The following PRDM6 variants were observed in gnomAD, a reference collection of about 807,000 sequenced individuals.
PRDM6 encodes the protein PR/SET domain 6.
PRDM6 carries 25 observed loss-of-function variants against 60.8 expected under a neutral mutation model. The observed-to-expected ratio is 0.41, with a 90% CI of 0.30 to 0.57. PRDM6 has a LOEUF of 0.57. Ranked by LOEUF, PRDM6 falls within the 20% of genes least tolerant of loss-of-function variation. The pLI is 0.27. For synonymous variants in PRDM6, 407 were observed against 357.4 expected (o/e 1.14, Z -1.57); for missense variants, 839 against 821.3 (o/e 1.02, Z -0.26).
rs981550444 is a variant in PRDM6 at position 123,173,531 on chromosome 5, A to G, written c.1496+2423A>G. On this transcript the variant is annotated intron_variant, in intron 6 of 7. Transcript: ENST00000407847. ...TGGGAAGGTGCCAGAGTGGGATTAA[A>G]TTACTGAAGCAGTGGGTTCCTTCCC... 1.8e-5 allele frequency: 3 copies of G among 167,122 alleles called. No individual in the cohort carries two copies. In the South Asian group the frequency reaches 6.2e-4, roughly 35 times the overall value. The allele number at this position is 167,122 out of a possible 1,614,324, so 10.4% of individuals were successfully genotyped here. A position where few individuals can be genotyped will look rare whatever the true frequency, so the allele number is the denominator to read the frequency against.
At chr5:123,176,271 AAAAAAAAAAAAAC>A (rs2126887568) in intron 6 of PRDM6, among the ~76,000 whole-genome samples, 1 of 74,902 alleles carries the variant, frequency 1.3e-5, no homozygotes, top group South Asian at 4.8e-4. Context: ...CTCAAATGGT[AAAAAAAAAAAAAC>A]AAAAAAAAAA....
intron 5 of PRDM6, among the ~76,000 whole-genome samples, chr5:123,166,928 C>T (rs73799834): frequency 0.078 from 11,915 of 152,174 alleles, 499 homozygotes; most frequent in Non-Finnish European, 0.088. Flanking sequence ...CTTGCAGAAA[C>T]CACTTCATCT....
chr5:123,182,617 A>G (rs1766190121), intron 7 of PRDM6, among the ~76,000 whole-genome samples: 1 of 152,142 alleles, frequency 6.6e-6, no homozygotes, highest in Non-Finnish European at 1.5e-5. Context: ...TGCCATTTTA[A>G]CTTAATTTTA....
rs76401298 is a variant in PRDM6 at position 123,136,760 on chromosome 5, C to T, written c.901-19124C>T. ...CTGCATGTTTCAGTGTATTTCCTCT[C>T]CATTTCTTTCTCATTTTCCGTCTTT... On this transcript the variant is annotated intron_variant, in intron 3 of 7. Coordinates refer to ENST00000407847, the MANE Select transcript of PRDM6 (RefSeq NM_001136239.4). 6.4e-3 allele frequency among the ~76,000 whole-genome samples: 981 copies of T among 152,282 alleles called. 12 individuals carry two copies. The highest frequency in any genetic ancestry group is 0.023 in the African/African-American group (937 of 41,570).
At chr5:123,180,347 C>G (rs1468346617) in intron 7 of PRDM6, 24 bp downstream of exon 7, 2 of 1,533,694 alleles carry the variant, frequency 1.3e-6, no homozygotes, top group Non-Finnish European at 1.8e-6. Flanking sequence ...AGCCCTCCAC[C>G]CTCTCTTTCT....
At chr5:123,137,122 G>T (rs432604) in intron 3 of PRDM6, among the ~76,000 whole-genome samples, 1 of 152,060 alleles carries the variant, frequency 6.6e-6, no homozygotes, top group Non-Finnish European at 1.5e-5. Flanking sequence ...GAGGTAAGCA[G>T]CAGATATGTG....
chr5:123,099,333 G>A lies in PRDM6; in HGVS notation c.593-321G>A, dbSNP rs950963902. 2.1e-4 allele frequency among the ~76,000 whole-genome samples: 32 copies of A among 152,192 alleles called. No individual in the cohort carries two copies. Among genetic ancestry groups the A allele is most frequent in the African/African-American group, 6.8e-4 (28 of 41,444 alleles). On this transcript the variant is annotated intron_variant, in intron 2 of 7. Transcript: ENST00000407847. The surrounding 1 kb of genome is among the most constrained non-coding windows in gnomAD (Gnocchi z 4.0). Reference sequence around the variant, plus strand: ...GGGAGAGATGCAGAGAGACTGAAACGGGAGGAAGAAGCCTGGAACTGTCGG... The same window carrying A: ...GGGAGAGATGCAGAGAGACTGAAACAGGAGGAAGAAGCCTGGAACTGTCGG...
intron 6 of PRDM6, among the ~76,000 whole-genome samples, chr5:123,176,322 C>G (rs1444520191): frequency 7.3e-6 from 1 of 136,742 alleles, no homozygotes; most frequent in Non-Finnish European, 1.6e-5. Context: ...TTGTGAGATA[C>G]TGTCCTTTTG....
rs1456059386 is a variant in PRDM6, at chr5:123,130,302, C to T, written c.901-25582C>T. On this transcript the variant is annotated intron_variant, in intron 3 of 7. Coordinates refer to ENST00000407847, the MANE Select transcript of PRDM6 (RefSeq NM_001136239.4). ...TCTCCCCTTCCCTTCCCTCCCCTCCCGTCCCCTTCCCTTCCTTCTCTCCCT... is the reference window on the plus strand; with the variant it reads ...TCTCCCCTTCCCTTCCCTCCCCTCCTGTCCCCTTCCCTTCCTTCTCTCCCT... Among the ~76,000 whole-genome samples, 7 of 96,250 alleles carry T rather than the reference C, an allele frequency of 7.3e-5. No individual in the cohort carries two copies. In the South Asian group the frequency reaches 1.9e-3, roughly 26 times the overall value. 63.1% of individuals were successfully genotyped at this position (96,250 alleles called of 152,430 possible).
rs76733594 is a variant in PRDM6 at position 123,124,377 on chromosome 5, A to C, written c.900+24416A>C. ...CTTTTGTGCTGATCAGACACACTTC[A>C]TATAGTGCTTTAAAAGACCTCGAAG... On this transcript the variant is annotated intron_variant, in intron 3 of 7. Transcript: ENST00000407847. Among the ~76,000 whole-genome samples the C allele has an allele frequency of 4.0e-3, 614 of 152,336 alleles. 7 individuals are homozygous for C. The highest frequency in any genetic ancestry group is 0.014 in the African/African-American group (589 of 41,572).
At chr5:123,108,259 T>G (rs1764238908) in intron 3 of PRDM6, among the ~76,000 whole-genome samples, 1 of 152,190 alleles carries the variant, frequency 6.6e-6, no homozygotes, top group Non-Finnish European at 1.5e-5. Context: ...GTAATCTAAT[T>G]CAGTAGAAAC....
At chr5:123,142,124 C>T (rs1765117153) in intron 3 of PRDM6, among the ~76,000 whole-genome samples, 1 of 152,010 alleles carries the variant, frequency 6.6e-6, no homozygotes, top group African/African-American at 2.4e-5. Context: ...TTAGGTTATC[C>T]CACCTCCCTC....
At chr5:123,134,304 C>T (rs981658781) in intron 3 of PRDM6, among the ~76,000 whole-genome samples, 1 of 151,904 alleles carries the variant, frequency 6.6e-6, no homozygotes, top group African/African-American at 2.4e-5. Context: ...AAATGTAACA[C>T]CGAAAAGAAT....
chr5:123,170,716 A>T, intron 5 of PRDM6, 50 bp from the exon 6 acceptor site: 1 of 1,277,958 alleles, frequency 7.8e-7, no homozygotes, highest in Non-Finnish European at 1.1e-6. Context: ...TATTGTGCTT[A>T]TTTTAAAGGC....
chr5:123,178,057 T>C (rs1213208099), intron 6 of PRDM6, among the ~76,000 whole-genome samples: 5 of 152,296 alleles, frequency 3.3e-5, no homozygotes, highest in Admixed American at 1.3e-4. Context: ...TACTTTGATA[T>C]AAGAATTCAA....
chr5:123,138,906 A>C (rs1306422399), intron 3 of PRDM6, among the ~76,000 whole-genome samples: 1 of 152,132 alleles, frequency 6.6e-6, no homozygotes, highest in Non-Finnish European at 1.5e-5. Context: ...TCCTCGCCCA[A>C]ATCTCATCTT....
chr5:123,190,416 T>C lies in PRDM6; in HGVS notation c.*3215T>C, dbSNP rs1229837519. ...ATAGATAAGCTTTTCATTTTTGTTT[T>C]GTTTTTATCTTTAAAAATGACTTTT... is the stretch of plus-strand genomic sequence containing the variant. On this transcript the variant is annotated 3_prime_UTR_variant, in exon 8 of 8. Transcript: ENST00000407847. 4 of 152,226 alleles carry C rather than the reference T, an allele frequency of 2.6e-5. No homozygotes were observed. Among genetic ancestry groups the C allele is most frequent in the Admixed American group, 2.6e-4 (4 of 15,280 alleles). 9.4% of individuals were successfully genotyped at this position (152,226 alleles called of 1,614,324 possible).
chr5:123,130,845 G>T (rs1764817213), intron 3 of PRDM6, among the ~76,000 whole-genome samples: 1 of 152,208 alleles, frequency 6.6e-6, no homozygotes, highest in African/African-American at 2.4e-5. Context: ...GGGATTACAG[G>T]CGTGAGCCAC....
intron 3 of PRDM6, among the ~76,000 whole-genome samples, chr5:123,150,937 T>G (rs1194822581): frequency 6.6e-6 from 1 of 152,226 alleles, no homozygotes; most frequent in Non-Finnish European, 1.5e-5. Flanking sequence ...GCATGTAATA[T>G]TTTTTAATCC....
Sources: allele counts gnomAD v4.1 joint callset (sites outside exome capture counted in the v4.1 genomes callset), GRCh38; gene constraint gnomAD v4.1.1; non-coding constraint Gnocchi (gnomAD v3.1); transcripts MANE v1.5; gene names NCBI Gene and HGNC (gene_info 2026-07-23, HGNC 2026-07-21).